Variants in ANKFN1 observed in about 807,000 individuals in gnomAD.
ANKFN1 encodes the protein ankyrin repeat and fibronectin type-III domain-containing protein 1.
Under a neutral mutation model 108.7 loss-of-function variants are expected in ANKFN1, and 74 were observed. The ratio of observed to expected loss-of-function variants is 0.68; its 90% CI spans 0.56 to 0.83. The LOEUF (loss-of-function observed/expected upper bound fraction) is 0.83, where lower values mean the gene tolerates loss of function less well. ANKFN1 is among the 40% of genes least tolerant of loss of function. The pLI, the probability that ANKFN1 is intolerant of heterozygous loss-of-function variation, is 0.00. For missense variants in ANKFN1, 1,505 were observed against 1,382.3 expected (o/e 1.09, Z -1.41); for synonymous variants, 547 against 516.2 (o/e 1.06, Z -0.81).
intron 4 of ANKFN1, among the ~76,000 whole-genome samples, chr17:56,125,084 T>C (rs541067853): frequency 6.6e-6 from 1 of 152,238 alleles, no homozygotes; most frequent in African/African-American, 2.4e-5. Context: ...CATAGAACCT[T>C]TCCTAATCAC....
At chr17:56,340,792 T>G (rs1055052191) in intron 4 of ANKFN1, among the ~76,000 whole-genome samples, 1 of 152,150 alleles carries the variant, frequency 6.6e-6, no homozygotes, top group Non-Finnish European at 1.5e-5. Flanking sequence ...TCGGGCTCTT[T>G]TTTTGGTTTT....
At position 56,350,946 on chromosome 17, in the gene ANKFN1, G is replaced by C; in HGVS notation, c.369G>C (p.Leu123=). The C allele has an allele frequency of 6.2e-7, 1 of 1,613,602 alleles. No individual in the cohort carries two copies. Among genetic ancestry groups the C allele is most frequent in the Non-Finnish European group, 8.5e-7 (1 of 1,179,782 alleles). ...ATTTTAGGACAAGAACTGATCGGCT[G>C]AGTCTCAGGAAGACCTCGGTGGTAA... The part of the protein sequence containing the change: ...EAYFRTRTDR[L]SLRKTSVNFQ... The change falls in exon 5 of 21, where the codon CTG becomes CTC. Residue 123 remains leucine (L), a synonymous_variant. Coordinates refer to ENST00000682825, the MANE Select transcript of ANKFN1 (RefSeq NM_001370326.1).
chr17:56,474,944 C>G (rs1348755687), intron 15 of ANKFN1, among the ~76,000 whole-genome samples: 1 of 152,016 alleles, frequency 6.6e-6, no homozygotes, highest in African/African-American at 2.4e-5. Context: ...GCCAAGTGAT[C>G]TTTTAAAAAA....
chr17:56,099,025 A>G (rs1028487409), intron 4 of ANKFN1, among the ~76,000 whole-genome samples: 7 of 152,144 alleles, frequency 4.6e-5, no homozygotes, highest in African/African-American at 1.7e-4. Flanking sequence ...TTACTATTTT[A>G]TTATTTGCCC....
intron 1 of ANKFN1, among the ~76,000 whole-genome samples, chr17:56,166,460 C>T (rs763146175): frequency 1.1e-4 from 17 of 152,170 alleles, no homozygotes; most frequent in Non-Finnish European, 2.4e-4. Context: ...GAAATCAAAG[C>T]CCTTTACCTC....
chr17:56,457,867 C>G lies in ANKFN1; in HGVS notation c.1445C>G (p.Ser482Cys). 3 of 1,612,444 alleles carry G rather than the reference C, an allele frequency of 1.9e-6. No individual in the cohort carries two copies. The South Asian group carries it at 3.3e-5, about 18-fold the overall frequency. Reference sequence around the variant, plus strand: ...ATTGCATGCCTTCTTTTGCAGCTGTCTTGTATGTGGGAAGATATAAGGTGG... The same window carrying G: ...ATTGCATGCCTTCTTTTGCAGCTGTGTTGTATGTGGGAAGATATAAGGTGG... ...TQDFLWFTKL[S>C]CMWEDIRWLR... Residue 482 changes from serine to cysteine, a missense_variant, in exon 14 of 21, where the codon TCT becomes TGT. Transcript: ENST00000682825.
intron 8 of ANKFN1, among the ~76,000 whole-genome samples, chr17:56,427,334 A>T (rs1430491948): frequency 6.6e-6 from 1 of 152,016 alleles, no homozygotes; most frequent in Non-Finnish European, 1.5e-5. Context: ...AACACTTGGC[A>T]CCAGTAAGAC....
chr17:56,049,035 G>A (rs929016743), intron 4 of ANKFN1, among the ~76,000 whole-genome samples: 8 of 152,210 alleles, frequency 5.3e-5, no homozygotes, highest in Admixed American at 2.0e-4. Context: ...CAGACAGGGC[G>A]CAAGGATTTC....
At chr17:56,343,038 A>G (rs1030445550) in intron 4 of ANKFN1, among the ~76,000 whole-genome samples, 4 of 151,880 alleles carry the variant, frequency 2.6e-5, no homozygotes, top group Non-Finnish European at 5.9e-5. Flanking sequence ...TGAACCCTTT[A>G]CCATTATGTA....
chr17:56,324,683 T>C (rs1016912546), intron 3 of ANKFN1, among the ~76,000 whole-genome samples: 1 of 152,216 alleles, frequency 6.6e-6, no homozygotes, highest in Admixed American at 6.5e-5. Flanking sequence ...CATAGCCCTC[T>C]AAACCTCAAG....
At chr17:56,276,919 C>T (rs1254782232) in intron 3 of ANKFN1, among the ~76,000 whole-genome samples, 2 of 152,036 alleles carry the variant, frequency 1.3e-5, no homozygotes, top group African/African-American at 4.8e-5. Flanking sequence ...TGAGGGAGCC[C>T]CAGCTTCACT....
intron 4 of ANKFN1, among the ~76,000 whole-genome samples, chr17:56,146,051 T>C (rs1269041673): frequency 1.3e-5 from 2 of 152,190 alleles, no homozygotes; most frequent in Non-Finnish European, 2.9e-5. Context: ...TGTGAGAAAT[T>C]GGCCAAAACT....
chr17:56,435,587 G>A (rs898486551), intron 8 of ANKFN1, among the ~76,000 whole-genome samples: 5 of 152,108 alleles, frequency 3.3e-5, no homozygotes, highest in African/African-American at 1.2e-4. Context: ...GCAAGTGACT[G>A]ATAAGGCTAA....
chr17:56,511,071 G>A lies in ANKFN1; in HGVS notation c.3243G>A (p.Gln1081=), dbSNP rs1233028847. 6.5e-7 allele frequency: 1 copy of A among 1,536,008 alleles called. No individual in the cohort carries two copies. Among genetic ancestry groups the A allele is most frequent in the Non-Finnish European group, 8.7e-7 (1 of 1,146,860 alleles). ...CTGAGGAGCGGAACAGCAGTCTCCA[G>A]GACGCGAGGCCTTCCGTCCGCCGCC... ...SLPEERNSSL[Q]DARPSVRRLY... The change falls in exon 21 of 21, where the codon CAG becomes CAA. Residue 1081 remains glutamine (Q), a synonymous_variant. Coordinates refer to ENST00000682825, the MANE Select transcript of ANKFN1 (RefSeq NM_001370326.1).
chr17:56,298,468 G>C lies in ANKFN1; in HGVS notation c.54-27753G>C, dbSNP rs191421467. On this transcript the variant is annotated intron_variant, in intron 3 of 20. Transcript: ENST00000682825. ...TTGAAGATTTATTCATGCATCTTCAGTGTTTTTCAATTTCTTTTTCTTACA... is the reference window on the plus strand; with the variant it reads ...TTGAAGATTTATTCATGCATCTTCACTGTTTTTCAATTTCTTTTTCTTACA... 1.9e-3 allele frequency among the ~76,000 whole-genome samples: 287 copies of C among 152,298 alleles called. 1 individual carries two copies. The highest frequency in any genetic ancestry group is 6.7e-3 in the African/African-American group (280 of 41,584).
chr17:56,232,972 G>C (rs1284176070), intron 3 of ANKFN1, among the ~76,000 whole-genome samples: 1 of 152,004 alleles, frequency 6.6e-6, no homozygotes, highest in Non-Finnish European at 1.5e-5. Context: ...GACTTTACTG[G>C]TTATGTGCTT....
At chr17:56,428,856 C>T (rs1201422271) in intron 8 of ANKFN1, among the ~76,000 whole-genome samples, 1 of 147,106 alleles carries the variant, frequency 6.8e-6, no homozygotes, top group East Asian at 2.0e-4. Flanking sequence ...ACCCAGCTGA[C>T]AAAAAGTGCT....
chr17:56,157,540 T>G (rs1909229888), intron 1 of ANKFN1, among the ~76,000 whole-genome samples: 1 of 152,200 alleles, frequency 6.6e-6, no homozygotes, highest in African/African-American at 2.4e-5. Context: ...CCTTCCTCTC[T>G]CGAGACTTTA....
chr17:56,270,863 T>A (rs151218324), intron 3 of ANKFN1, among the ~76,000 whole-genome samples: 3 of 152,184 alleles, frequency 2.0e-5, no homozygotes, highest in African/African-American at 7.2e-5. Context: ...CTTTCTTTCT[T>A]TCTTCAGATA....
Sources: gnomAD v4.1 joint callset for allele counts (sites outside exome capture counted in the v4.1 genomes callset) on GRCh38, gnomAD v4.1.1 for gene constraint, MANE v1.5 for transcripts, NCBI Gene and HGNC (gene_info 2026-07-23, HGNC 2026-07-21) for gene names.